The following TRIOBP variants were observed in gnomAD, a reference collection of about 807,000 sequenced individuals.
TRIOBP encodes TRIO and F-actin-binding protein.
In TRIOBP, 169 loss-of-function variants were observed where a neutral mutation model predicts 238.8. That is an observed-to-expected ratio of 0.71 (90% CI 0.62 to 0.80). The LOEUF is 0.80. Among genes scored for constraint, TRIOBP ranks in the 30% least tolerant of loss-of-function variants. The pLI is 0.00. For missense variants in TRIOBP, 2,838 were observed against 3,122.6 expected (o/e 0.91, Z 2.17); for synonymous variants, 1,150 against 1,274.4 (o/e 0.90, Z 2.08).
At chr22:37,762,266 A>G (rs73168260) in intron 17 of TRIOBP, among the ~76,000 whole-genome samples, 29,839 of 152,006 alleles carry the variant, frequency 0.2, 3,172 homozygotes, top group African/African-American at 0.25. Context: ...AGGTCTCACT[A>G]TGTTCCCTGG....
At chr22:37,713,780 A>G (rs1196247166) in intron 5 of TRIOBP, among the ~76,000 whole-genome samples, 1 of 152,204 alleles carries the variant, frequency 6.6e-6, no homozygotes, top group Non-Finnish European at 1.5e-5. Flanking sequence ...CTCGACACAC[A>G]GTGCTGAGTC....
At chr22:37,773,537 G>T (rs1331345919) in intron 23 of TRIOBP, among the ~76,000 whole-genome samples, 2 of 152,110 alleles carry the variant, frequency 1.3e-5, no homozygotes, top group Non-Finnish European at 2.9e-5. Context: ...TCTTATTTTT[G>T]CTTTTTCAAC....
chr22:37,715,153 T>TA (rs1923446854), intron 5 of TRIOBP, among the ~76,000 whole-genome samples: 1 of 152,088 alleles, frequency 6.6e-6, no homozygotes, highest in Non-Finnish European at 1.5e-5. Context: ...TATCTGGGAT[T>TA]ACAGGCGCCC....
intron 11 of TRIOBP, among the ~76,000 whole-genome samples, chr22:37,748,998 A>T (rs369194752): frequency 6.6e-5 from 10 of 152,278 alleles, no homozygotes; most frequent in African/African-American, 2.4e-4. Flanking sequence ...AGGGGAGGCC[A>T]GGCTGGAAGA....
At chr22:37,773,109 C>T (rs1186335692) in intron 23 of TRIOBP, among the ~76,000 whole-genome samples, 2 of 152,120 alleles carry the variant, frequency 1.3e-5, no homozygotes, top group Admixed American at 1.3e-4. Context: ...ACACACACAT[C>T]GCACGCTGAG....
Position 37,736,022 on chromosome 22 carries a change from A to G in TRIOBP, c.5106+580A>G, listed in dbSNP as rs117912023. Among the ~76,000 whole-genome samples, 316 of 152,350 alleles carry G rather than the reference A, an allele frequency of 2.1e-3. 3 individuals are homozygous for G. The highest frequency in any genetic ancestry group is 0.013 in the South Asian group (61 of 4,828). ...GGCCCCTACAGCTCCTCTCAGACAC[A>G]GAGAAGAGGGTGCATCAATGCTCAC... is the stretch of plus-strand genomic sequence containing the variant. On this transcript the variant is annotated intron_variant, in intron 9 of 23. Transcript: ENST00000644935.
intron 7 of TRIOBP, among the ~76,000 whole-genome samples, chr22:37,729,645 T>C (rs149127192): frequency 8.7e-4 from 132 of 152,352 alleles, no homozygotes; most frequent in Non-Finnish European, 1.7e-3. Context: ...TTTATATTAA[T>C]AATAGAAATG....
intron 11 of TRIOBP, among the ~76,000 whole-genome samples, chr22:37,741,872 C>A (rs1012593114): frequency 2.6e-5 from 4 of 152,222 alleles, no homozygotes; most frequent in Non-Finnish European, 4.4e-5. Context: ...AGACTCAGGG[C>A]TGCAGAGAGG....
Position 37,733,432 on chromosome 22 carries a change from T to C in TRIOBP, c.4062+20T>C. Reference sequence around the variant, plus strand: ...AGGCAGGTGAGCACTGCCAGCTGTCTGGGGCCCCGCACCCCAAGGGGCGGC... The same window carrying C: ...AGGCAGGTGAGCACTGCCAGCTGTCCGGGGCCCCGCACCCCAAGGGGCGGC... On this transcript the variant is annotated intron_variant, in intron 8 of 23. Coordinates refer to ENST00000644935, the MANE Select transcript of TRIOBP (RefSeq NM_001039141.3). 2 of 1,543,212 alleles carry C rather than the reference T, an allele frequency of 1.3e-6. No individual in the cohort carries two copies. Among genetic ancestry groups the C allele is most frequent in the Admixed American group, 2.0e-5 (1 of 50,984 alleles).
chr22:37,716,110 AATTATT>A (rs964501224), intron 6 of TRIOBP, among the ~76,000 whole-genome samples, 176 bp downstream of exon 6: 3 of 151,978 alleles, frequency 2.0e-5, no homozygotes, highest in Non-Finnish European at 4.4e-5. Flanking sequence ...TACCCACTTT[AATTATT>A]ATTATTATTA....
chr22:37,746,502 G>T, intron 11 of TRIOBP: 1 of 1,210,872 alleles, frequency 8.3e-7, no homozygotes, highest in Non-Finnish European at 1.1e-6. Context: ...CTCCCCTCCG[G>T]GGCAGCCCCC....
chr22:37,746,753 A>G (rs1925300149), intron 11 of TRIOBP, among the ~76,000 whole-genome samples: 1 of 152,178 alleles, frequency 6.6e-6, no homozygotes. Context: ...CCTCCCCTCC[A>G]GCCCCCTAGA....
rs1372259511 is a variant in TRIOBP, at chr22:37,772,699, C to T, written c.7035C>T (p.His2345=). 1.9e-6 allele frequency: 3 copies of T among 1,614,080 alleles called. No individual in the cohort carries two copies. Among genetic ancestry groups the T allele is most frequent in the Admixed American group, 1.7e-5 (1 of 60,016 alleles). ...SEREIEQLKE[H]LRLAMAALQE... is the part of the protein sequence containing the mutation. ...GGGAGATCGAGCAGCTGAAGGAGCA[C>T]CTGCGTCTTGCCATGGCCGCCCTCC... The change falls in exon 23 of 24, where the codon CAC becomes CAT. Residue 2345 remains histidine (H), a synonymous_variant. Transcript: ENST00000644935.
chr22:37,740,879 G>A lies in TRIOBP; in HGVS notation c.5185-16G>A, dbSNP rs1344875825. On this transcript the variant is annotated splice_polypyrimidine_tract_variant and intron_variant, in intron 10 of 23. Transcript: ENST00000644935. ...GCCAAAGGGACCTGGGGCCAACACT[G>A]GACCCTGTTTGACAGGCAGACAAGA... 10 of 1,565,610 alleles carry A rather than the reference G, an allele frequency of 6.4e-6. No individual in the cohort carries two copies. The highest frequency in any genetic ancestry group is 8.7e-6 in the Non-Finnish European group (10 of 1,154,738).
Position 37,701,483 on chromosome 22 carries a change from G to A in TRIOBP, c.114+4G>A. On this transcript the variant is annotated splice_donor_region_variant and intron_variant, in intron 3 of 23. Coordinates refer to ENST00000644935, the MANE Select transcript of TRIOBP (RefSeq NM_001039141.3). ...GGCCCATGGAGCAAGATACCAGGTG[G>A]GCCAGTTTTCCACGTGGTTGGGGTG... 3 of 1,606,596 alleles carry A rather than the reference G, an allele frequency of 1.9e-6. No homozygotes were observed. The highest frequency in any genetic ancestry group is 2.6e-6 in the Non-Finnish European group (3 of 1,176,326).
intron 3 of TRIOBP, among the ~76,000 whole-genome samples, chr22:37,707,393 C>T (rs990710269): frequency 2.0e-5 from 3 of 152,150 alleles, no homozygotes; most frequent in African/African-American, 7.2e-5. Context: ...CATGGTGCCA[C>T]GTGGTCAGGC....
intron 6 of TRIOBP, among the ~76,000 whole-genome samples, chr22:37,722,440 A>T (rs1292675368): frequency 6.6e-6 from 1 of 150,962 alleles, no homozygotes; most frequent in East Asian, 1.9e-4. Flanking sequence ...AAAAAAAAAA[A>T]AAAAGGTCGG....
chr22:37,704,785 C>T (rs1013980748), intron 3 of TRIOBP, among the ~76,000 whole-genome samples: 9 of 151,642 alleles, frequency 5.9e-5, no homozygotes, highest in South Asian at 2.1e-4. Context: ...CGGCAGCTCA[C>T]GCCTGTAATC....
At chr22:37,711,332 A>G (rs2145819896) in intron 4 of TRIOBP, among the ~76,000 whole-genome samples, 1 of 152,278 alleles carries the variant, frequency 6.6e-6, no homozygotes, top group Non-Finnish European at 1.5e-5. Context: ...TAATTCCAGA[A>G]CTTTGGGAGG....
Sources: gnomAD v4.1 joint callset for allele counts (sites outside exome capture counted in the v4.1 genomes callset) on GRCh38, gnomAD v4.1.1 for gene constraint, MANE v1.5 for transcripts, NCBI Gene and HGNC (gene_info 2026-07-23, HGNC 2026-07-21) for gene names.